The following PTPRG variants were observed in gnomAD, a reference collection of about 807,000 sequenced individuals.
PTPRG encodes the protein receptor-type tyrosine-protein phosphatase gamma.
In PTPRG, 102 loss-of-function variants were observed where a neutral mutation model predicts 165.3. The ratio of observed to expected loss-of-function variants is 0.62; its 90% CI spans 0.53 to 0.73. The LOEUF is 0.73. Ranked by LOEUF, PTPRG falls within the 30% of genes least tolerant of loss-of-function variation. The pLI is 0.00. For missense variants in PTPRG, 1,866 were observed against 1,861.4 expected (o/e 1.00, Z -0.05); for synonymous variants, 675 against 669.5 (o/e 1.01, Z -0.13).
chr3:61,694,887 T>A (rs2030470778), intron 1 of PTPRG, among the ~76,000 whole-genome samples: 2 of 152,164 alleles, frequency 1.3e-5, no homozygotes, highest in African/African-American at 4.8e-5. Flanking sequence ...TCACCCTCAC[T>A]CTCTCTCATT....
At chr3:62,241,978 C>T (rs954091212) in intron 14 of PTPRG, among the ~76,000 whole-genome samples, 1 of 152,028 alleles carries the variant, frequency 6.6e-6, no homozygotes, top group African/African-American at 2.4e-5. Context: ...AAGTCCATAA[C>T]CTGTGTTTTA....
chr3:62,157,615 C>A (rs1704589110), intron 7 of PTPRG, among the ~76,000 whole-genome samples: 1 of 152,046 alleles, frequency 6.6e-6, no homozygotes, highest in African/African-American at 2.4e-5. Context: ...CTATTTGTAC[C>A]CCCATTCTAC....
chr3:61,640,710 G>T (rs887025181), intron 1 of PTPRG, among the ~76,000 whole-genome samples: 3 of 152,182 alleles, frequency 2.0e-5, no homozygotes, highest in African/African-American at 7.2e-5. Flanking sequence ...TTAAAGAAAC[G>T]AAGTCTAACA....
chr3:61,923,832 G>A (rs968222619), intron 2 of PTPRG, among the ~76,000 whole-genome samples: 46 of 150,998 alleles, frequency 3.0e-4, no homozygotes, highest in Admixed American at 1.4e-3. Context: ...CACTGTGCCC[G>A]GCTTTGTTGG....
chr3:62,219,629 C>T lies in PTPRG; in HGVS notation c.2288+646C>T, dbSNP rs530595156. ...GCTGAGCAACTCCGTCAAGCCCACT[C>T]GTTTGGCCTGGGTGCCCTCACCTCT... On this transcript the variant is annotated intron_variant, in intron 13 of 29. Coordinates refer to ENST00000474889, the MANE Select transcript of PTPRG (RefSeq NM_002841.4). This position sits in a 1 kb window ranked among gnomAD's most constrained non-coding sequence, Gnocchi z 4.5. Among the ~76,000 whole-genome samples, 7 of 152,202 alleles carry T rather than the reference C, an allele frequency of 4.6e-5. No homozygotes were observed. Among genetic ancestry groups the T allele is most frequent in the African/African-American group, 7.2e-5 (3 of 41,446 alleles).
At chr3:62,123,826 G>A (rs554683813) in intron 5 of PTPRG, among the ~76,000 whole-genome samples, 1 of 152,206 alleles carries the variant, frequency 6.6e-6, no homozygotes, top group Admixed American at 6.5e-5. Context: ...CTTCATTTAA[G>A]TGACTGAATA....
rs1025556684 is a variant in PTPRG at position 62,240,031 on chromosome 3, A to AC, written c.2376-3770dup. ...TTCATCAGTCCCTGGCCCAGAGTAGACCCCCCAATAGATAGTTATTAAAGG... is the reference window on the plus strand; with the variant it reads ...TTCATCAGTCCCTGGCCCAGAGTAGACCCCCCCAATAGATAGTTATTAAAGG... On this transcript the variant is annotated intron_variant, in intron 14 of 29. Transcript: ENST00000474889. This position sits in a 1 kb window ranked among gnomAD's most constrained non-coding sequence, Gnocchi z 5.1. 6.6e-6 allele frequency among the ~76,000 whole-genome samples: 1 copy of AC among 151,956 alleles called. No homozygotes were observed. Among genetic ancestry groups the AC allele is most frequent in the East Asian group, 1.9e-4 (1 of 5,176 alleles).
chr3:62,195,264 C>T lies in PTPRG; in HGVS notation c.1327+94C>T. ...CCTGCTCAGGTGCTGGGGAAAAATA[C>T]AAACAAGCCTGGCAGAAGAATCAGT... On this transcript the variant is annotated intron_variant, in intron 10 of 29. Transcript: ENST00000474889. The surrounding 1 kb of genome is among the most constrained non-coding windows in gnomAD (Gnocchi z 4.4). The T allele has an allele frequency of 8.8e-7, 1 of 1,129,974 alleles. No individual in the cohort carries two copies. The highest frequency in any genetic ancestry group is 2.4e-5 in the East Asian group (1 of 42,062). The allele number at this position is 1,129,974 out of a possible 1,614,324, so 70.0% of individuals were successfully genotyped here.
At chr3:61,572,351 ACTAT>A (rs772634868) in intron 1 of PTPRG, among the ~76,000 whole-genome samples, 5 of 152,140 alleles carry the variant, frequency 3.3e-5, no homozygotes, top group Non-Finnish European at 5.9e-5. Context: ...AGCGTTTAAA[ACTAT>A]CTAATGTGAT....
intron 1 of PTPRG, among the ~76,000 whole-genome samples, chr3:61,720,254 G>A (rs2031992376): frequency 6.6e-6 from 1 of 151,990 alleles, no homozygotes; most frequent in Non-Finnish European, 1.5e-5. Context: ...CTCCCGAGTA[G>A]CTGGGATTAC....
intron 2 of PTPRG, among the ~76,000 whole-genome samples, chr3:61,777,958 T>A (rs1416979374): frequency 6.6e-6 from 1 of 152,186 alleles, no homozygotes; most frequent in African/African-American, 2.4e-5. Flanking sequence ...GTATTTAGCT[T>A]ATAGTTGGTT....
intron 1 of PTPRG, among the ~76,000 whole-genome samples, chr3:61,721,068 C>T (rs2106792219): frequency 1.3e-5 from 2 of 152,292 alleles, no homozygotes. Context: ...TGCCTTTCAA[C>T]TGCATTGTAA....
At chr3:61,699,801 C>T (rs760125970) in intron 1 of PTPRG, among the ~76,000 whole-genome samples, 8 of 152,080 alleles carry the variant, frequency 5.3e-5, no homozygotes, top group Non-Finnish European at 1.0e-4. Context: ...AAGCTAGCTT[C>T]AGAGCAGGAA....
At chr3:61,989,554 T>G (rs1377257247) in intron 2 of PTPRG, 71 bp from the exon 3 acceptor site, 1 of 1,456,506 alleles carries the variant, frequency 6.9e-7, no homozygotes, top group East Asian at 2.3e-5. Flanking sequence ...AGTGCTCAGC[T>G]TCCTAAGATT....
chr3:61,671,977 G>A, intron 1 of PTPRG, among the ~76,000 whole-genome samples: 1 of 133,716 alleles, frequency 7.5e-6, no homozygotes, highest in South Asian at 2.7e-4. Context: ...GTGGCTGCTG[G>A]GCGGAGGGGC....
intron 5 of PTPRG, among the ~76,000 whole-genome samples, chr3:62,102,094 G>A (rs906341058): frequency 6.6e-6 from 1 of 152,034 alleles, no homozygotes; most frequent in South Asian, 2.1e-4. Flanking sequence ...TAATATTTTG[G>A]TAGCAGGATA....
Position 61,561,928 on chromosome 3 carries a change from C to G in PTPRG, c.-360C>G, listed in dbSNP as rs971613783. The G allele has an allele frequency of 6.1e-6, 1 of 164,246 alleles. No homozygotes were observed. The highest frequency in any genetic ancestry group is 2.4e-5 in the African/African-American group (1 of 41,822). The allele number at this position is 164,246 out of a possible 1,614,324, so 10.2% of individuals were successfully genotyped here. On this transcript the variant is annotated 5_prime_UTR_variant, in exon 1 of 30. Coordinates refer to ENST00000474889, the MANE Select transcript of PTPRG (RefSeq NM_002841.4). ...GCTGCCGACTCAAGTTGGGGATCCT[C>G]GGCTGCTCGCCGCCGCCGCCCGCGG...
In PTPRG at chr3:61,905,004, G is replaced by A. The variant is rs1467025527; in HGVS notation, c.191-84621G>A. Among the ~76,000 whole-genome samples the A allele has an allele frequency of 2.0e-5, 3 of 151,868 alleles. No homozygotes were observed. The East Asian group carries it at 5.8e-4, about 29-fold the overall frequency. ...CTGTCTTTTCCTGCACTTTGATGAA[G>A]GAAAGGCTTTTTTTCCCCCAGTCCC... On this transcript the variant is annotated intron_variant, in intron 2 of 29. Transcript: ENST00000474889.
chr3:61,710,369 C>T (rs2031490928), intron 1 of PTPRG, among the ~76,000 whole-genome samples: 1 of 152,084 alleles, frequency 6.6e-6, no homozygotes, highest in African/African-American at 2.4e-5. Flanking sequence ...CTTTCCATGT[C>T]GAATCCCATG....
Sources: gnomAD v4.1 joint callset for allele counts (sites outside exome capture counted in the v4.1 genomes callset) on GRCh38, gnomAD v4.1.1 for gene constraint, Gnocchi (gnomAD v3.1) non-coding constraint, MANE v1.5 for transcripts, NCBI Gene and HGNC (gene_info 2026-07-23, HGNC 2026-07-21) for gene names.